The following GOLGA4 variants were observed in gnomAD, a reference collection of about 807,000 sequenced individuals.
GOLGA4 encodes the protein golgin subfamily A member 4.
A neutral mutation model predicts 265.9 loss-of-function variants in GOLGA4; 169 were observed. The observed-to-expected ratio is 0.64, with a 90% CI of 0.56 to 0.72. GOLGA4 has a LOEUF of 0.72. Ranked by LOEUF, GOLGA4 falls within the 30% of genes least tolerant of loss-of-function variation. The pLI is 0.00. For synonymous variants in GOLGA4, 923 were observed against 855.8 expected, an observed-to-expected ratio of 1.08 and a Z score of -1.37; for missense variants, 2,482 against 2,483.4, an observed-to-expected ratio of 1.00 and a Z score of 0.01.
chr3:37,324,730 A>G lies in GOLGA4; in HGVS notation c.2844A>G (p.Lys948=), dbSNP rs28523502. The change falls in exon 14 of 24, where the codon AAA becomes AAG. Residue 948 remains lysine (K), a synonymous_variant. Transcript: ENST00000361924. ...TTTTGAATGAGGAATATGAAACCAA[A>G]TTTAAAAACCAAGAAAAAAAGATGG... The part of the protein sequence containing the change: ...IHILNEEYET[K]FKNQEKKMEK... 1 of 1,586,564 alleles carries G rather than the reference A, an allele frequency of 6.3e-7. No homozygotes were observed. Among genetic ancestry groups the G allele is most frequent in the Admixed American group, 1.9e-5 (1 of 52,094 alleles).
At chr3:37,291,812 T>C (rs568985752) in intron 5 of GOLGA4, among the ~76,000 whole-genome samples, 1 of 152,328 alleles carries the variant, frequency 6.6e-6, no homozygotes, top group East Asian at 1.9e-4. Context: ...CATAATTTTA[T>C]GCATTAACTT....
intron 22 of GOLGA4, among the ~76,000 whole-genome samples, chr3:37,358,654 G>A (rs2097096564): frequency 6.6e-6 from 1 of 152,162 alleles, no homozygotes; most frequent in Admixed American, 6.5e-5. Context: ...AGGGATGGTG[G>A]TGATAATTAT....
intron 20 of GOLGA4, among the ~76,000 whole-genome samples, chr3:37,346,811 T>C (rs905336603): frequency 6.6e-6 from 1 of 152,234 alleles, no homozygotes; most frequent in Non-Finnish European, 1.5e-5. Flanking sequence ...TCCTCACCAG[T>C]GCTTTGTATT....
rs2096963660 is a variant in GOLGA4 at position 37,324,341 on chromosome 3, G to C, written c.2455G>C (p.Glu819Gln). 1.2e-6 allele frequency: 2 copies of C among 1,614,104 alleles called. No individual in the cohort carries two copies. The highest frequency in any genetic ancestry group is 1.7e-6 in the Non-Finnish European group (2 of 1,179,996). The change falls in exon 14 of 24, where the codon GAA becomes CAA. Residue 819 changes from glutamate to glutamine, a missense_variant. Coordinates refer to ENST00000361924, the MANE Select transcript of GOLGA4 (RefSeq NM_002078.5). ...ACATGAGCAGACAAAAGCATATGAG[G>C]AACAGTTGGCCCAATTGCAGCAGAA... The part of the protein sequence containing the change: ...ATHEQTKAYE[E>Q]QLAQLQQKLL...
Position 37,295,073 on chromosome 3 carries a change from C to T in GOLGA4, c.677C>T (p.Thr226Ile), listed in dbSNP as rs769029092. The change falls in exon 6 of 24, where the codon ACT (threonine) becomes ATT (isoleucine). Residue 226 changes from threonine (T) to isoleucine (I), a missense_variant. Physicochemically the swap from Thr to Ile is moderately conservative, Grantham distance 89. This residue lies in a region of GOLGA4 where 1,536 missense variants were observed against 1,483.7 expected (regional missense o/e 1.04). Transcript: ENST00000361924. ...EKDQYISVLQTQVSLLKQRLR... is the reference protein window; with the variant it reads ...EKDQYISVLQIQVSLLKQRLR... Reference sequence around the variant, plus strand: ...GATCAGTATATCAGTGTTCTCCAAACTCAGGTAAAAGAGTAAAAGAAAAAG... The same window carrying T: ...GATCAGTATATCAGTGTTCTCCAAATTCAGGTAAAAGAGTAAAAGAAAAAG... 6.5e-7 allele frequency: 1 copy of T among 1,537,854 alleles called. No individual in the cohort carries two copies. Among genetic ancestry groups the T allele is most frequent in the Non-Finnish European group, 8.9e-7 (1 of 1,129,452 alleles).
rs2096878259 is a variant in GOLGA4 at position 37,296,318 on chromosome 3, G to A, written c.814+99G>A. On this transcript the variant is annotated intron_variant, in intron 7 of 23. Transcript: ENST00000361924. ...CCCAACACTTTGGGAGGCCAGTGTG[G>A]GAGGATCGCTTGAGTTCAGGAGTTT... 3.4e-6 allele frequency: 4 copies of A among 1,186,810 alleles called. No individual in the cohort carries two copies. The South Asian group carries it at 4.2e-5, about 13-fold the overall frequency. 73.5% of individuals were successfully genotyped at this position (1,186,810 alleles called of 1,614,324 possible).
rs1167709087 is a variant in GOLGA4 at position 37,327,110 on chromosome 3, C to G, written c.5224C>G (p.Gln1742Glu). 1 of 1,613,410 alleles carries G rather than the reference C, an allele frequency of 6.2e-7. No homozygotes were observed. Among genetic ancestry groups the G allele is most frequent in the East Asian group, 2.2e-5 (1 of 44,864 alleles). Residue 1742 changes from glutamine to glutamate, a missense_variant, in exon 14 of 24, where the codon CAA becomes GAA. Physicochemically the swap from Gln to Glu is conservative, Grantham distance 29. Around this residue, in one of 3 missense-constraint regions of GOLGA4, gnomAD observed 942 missense variants for 983.1 expected, o/e 0.96. Coordinates refer to ENST00000361924, the MANE Select transcript of GOLGA4 (RefSeq NM_002078.5). ...ATATGAAGAAAAAATCAGTGTTTTA[C>G]AAAGAAACTTAACTGAAAAAGAAAA... ...KTYEEKISVL[Q>E]RNLTEKEKLL...
Position 37,271,008 on chromosome 3 carries a change from C to T in GOLGA4, c.163-10950C>T, listed in dbSNP as rs528559960. 5.3e-5 allele frequency among the ~76,000 whole-genome samples: 8 copies of T among 151,938 alleles called. 1 individual carries two copies. The East Asian group carries it at 1.5e-3, about 29-fold the overall frequency. ...TCAGGCATTACATTCTCATTAAGACCACGCAACCTAGATCCTTCATATGCA... is the reference window on the plus strand; with the variant it reads ...TCAGGCATTACATTCTCATTAAGACTACGCAACCTAGATCCTTCATATGCA... On this transcript the variant is annotated intron_variant, in intron 2 of 23. Transcript: ENST00000361924.
intron 2 of GOLGA4, among the ~76,000 whole-genome samples, chr3:37,253,011 G>C (rs1054006405): frequency 6.6e-6 from 1 of 152,080 alleles, no homozygotes; most frequent in Non-Finnish European, 1.5e-5. Context: ...CGCTTTGGAA[G>C]GCCAAGGCAG....
intron 4 of GOLGA4, among the ~76,000 whole-genome samples, chr3:37,288,248 C>T (rs933292876): frequency 3.3e-5 from 5 of 150,846 alleles, no homozygotes; most frequent in African/African-American, 9.8e-5. Flanking sequence ...ACTACAGGCA[C>T]GCATCACCAT....
At chr3:37,346,179 AT>A (rs1034273486) in intron 20 of GOLGA4, among the ~76,000 whole-genome samples, 4 of 152,274 alleles carry the variant, frequency 2.6e-5, no homozygotes, top group African/African-American at 9.6e-5. Context: ...ACTTAAAAAA[AT>A]ATTCCAAATG....
In GOLGA4 at chr3:37,366,504, G is replaced by A. The variant is rs1311059784; in HGVS notation, c.*458G>A. The A allele has an allele frequency of 6.0e-6, 1 of 167,020 alleles. No homozygotes were observed. Among genetic ancestry groups the A allele is most frequent in the African/African-American group, 2.4e-5 (1 of 42,152 alleles). 10.3% of individuals were successfully genotyped at this position (167,020 alleles called of 1,614,324 possible). ...TTCTGATAAATTAGAGCATTTAATT[G>A]ACTATTTTATTCAGGTTGATCTGTT... On this transcript the variant is annotated 3_prime_UTR_variant, in exon 24 of 24. Transcript: ENST00000361924.
chr3:37,323,894 G>T lies in GOLGA4; in HGVS notation c.2008G>T (p.Glu670Ter), dbSNP rs757783132. The T allele has an allele frequency of 1.2e-6, 2 of 1,613,372 alleles. No individual in the cohort carries two copies. The highest frequency in any genetic ancestry group is 2.2e-5 in the East Asian group (1 of 44,878). ...KEIIFQAHIE[E>*]MNEKTLEKLD... Reference sequence around the variant, plus strand: ...GATTATCTTCCAGGCCCACATAGAAGAAATGAATGAAAAGACTTTAGAAAA... The same window carrying T: ...GATTATCTTCCAGGCCCACATAGAATAAATGAATGAAAAGACTTTAGAAAA... Residue 670 changes from glutamate to a stop codon, truncating the protein, a stop_gained, in exon 14 of 24, where the codon GAA becomes TAA. Transcript: ENST00000361924. LOFTEE classifies it high-confidence loss of function.
chr3:37,347,296 G>C lies in GOLGA4; in HGVS notation c.6576G>C (p.Lys2192Asn). Residue 2192 changes from lysine to asparagine, a missense_variant and splice_region_variant, in exon 21 of 24, where the codon AAG becomes AAC. By Grantham distance (94) the Lys-to-Asn change is moderately conservative. Coordinates refer to ENST00000361924, the MANE Select transcript of GOLGA4 (RefSeq NM_002078.5). ...LFEYMMGRETKTMAKVITTVL... is the reference protein window; with the variant it reads ...LFEYMMGRETNTMAKVITTVL... The stretch of plus-strand genomic sequence containing the variant: ...AGTATATGATGGGTCGTGAGACTAA[G>C]GTATAAATCATGTCTCGTGATTTGG... The C allele has an allele frequency of 6.5e-7, 1 of 1,528,498 alleles. No individual in the cohort carries two copies. The highest frequency in any genetic ancestry group is 9.1e-7 in the Non-Finnish European group (1 of 1,103,352). The allele number at this position is 1,528,498 out of a possible 1,614,324, so 94.7% of individuals were successfully genotyped here. A position where few individuals can be genotyped will look rare whatever the true frequency, so the allele number is the denominator to read the frequency against.
chr3:37,343,096 G>A (rs889430151), intron 20 of GOLGA4, among the ~76,000 whole-genome samples: 2 of 152,060 alleles, frequency 1.3e-5, no homozygotes, highest in African/African-American at 4.8e-5. Context: ...GTTTCACCAT[G>A]TTGGCCAGGC....
chr3:37,341,820 T>A (rs1017838781), intron 20 of GOLGA4: 2 of 152,246 alleles, frequency 1.3e-5, no homozygotes, highest in Non-Finnish European at 2.9e-5. Context: ...ATTTCCTACA[T>A]AATTAATTTT....
intron 23 of GOLGA4, among the ~76,000 whole-genome samples, chr3:37,365,014 A>G (rs1042632846): frequency 3.4e-5 from 5 of 149,164 alleles, no homozygotes; most frequent in African/African-American, 1.2e-4. Flanking sequence ...TCCTGCCTCA[A>G]CCTCCTGAGT....
chr3:37,363,279 A>G (rs766889323), intron 23 of GOLGA4, among the ~76,000 whole-genome samples: 25 of 152,204 alleles, frequency 1.6e-4, no homozygotes, highest in Non-Finnish European at 3.2e-4. Context: ...AAAACTGTAA[A>G]TTCTATAGCT....
rs1351353388 is a variant in GOLGA4, at chr3:37,337,737, A to G, written c.6396+3A>G. The G allele has an allele frequency of 1.3e-6, 2 of 1,569,844 alleles. No individual in the cohort carries two copies. Reference sequence around the variant, plus strand: ...AAGAGCAAGAGTTCAGAGAACAGGTACAGGCCTAATTGGTACCTTTTATTT... The same window carrying G: ...AAGAGCAAGAGTTCAGAGAACAGGTGCAGGCCTAATTGGTACCTTTTATTT... On this transcript the variant is annotated splice_donor_region_variant and intron_variant, in intron 19 of 23. Transcript: ENST00000361924.
Sources: allele counts gnomAD v4.1 joint callset (sites outside exome capture counted in the v4.1 genomes callset), GRCh38; gene constraint gnomAD v4.1.1; regional missense constraint gnomAD v4.1.1; transcripts MANE v1.5; gene names NCBI Gene and HGNC (gene_info 2026-07-23, HGNC 2026-07-21).